ZFAND3: variants seen among roughly 807,000 people sequenced by gnomAD.
ZFAND3 encodes zinc finger AN1-type containing 3, also known as AN1-type zinc finger protein 3.
Under a neutral mutation model 29.6 loss-of-function variants are expected in ZFAND3, and 10 were observed. That is an observed-to-expected ratio of 0.34 (90% CI 0.21 to 0.57). ZFAND3 has a LOEUF of 0.57. Ranked by LOEUF, ZFAND3 falls within the 20% of genes least tolerant of loss-of-function variation. The pLI is 0.86. For synonymous variants in ZFAND3, 128 were observed against 112.6 expected, an observed-to-expected ratio of 1.14 and a Z score of -0.87; for missense variants, 230 against 304.5, an observed-to-expected ratio of 0.76 and a Z score of 1.82.
At chr6:38,055,635 A>G (rs2645131) in intron 2 of ZFAND3, among the ~76,000 whole-genome samples, 45,572 of 152,084 alleles carry the variant, frequency 0.3, 7,525 homozygotes, top group Non-Finnish European at 0.38. Flanking sequence ...TTTAGTGTCT[A>G]CAATAAAGAT....
At chr6:37,880,483 T>A (rs1314383157) in intron 1 of ZFAND3, among the ~76,000 whole-genome samples, 2 of 152,184 alleles carry the variant, frequency 1.3e-5, no homozygotes, top group Non-Finnish European at 2.9e-5. Flanking sequence ...TTGACTAGAA[T>A]GAGCCAGTTG....
intron 5 of ZFAND3, among the ~76,000 whole-genome samples, chr6:38,120,597 A>T (rs1285603978): frequency 6.6e-6 from 1 of 151,952 alleles, no homozygotes; most frequent in Non-Finnish European, 1.5e-5. Flanking sequence ...AAGTGTTAGG[A>T]TTACAGGCAT....
intron 1 of ZFAND3, among the ~76,000 whole-genome samples, chr6:37,885,308 C>CT (rs1305718976): frequency 6.6e-6 from 1 of 152,014 alleles, no homozygotes; most frequent in Non-Finnish European, 1.5e-5. Flanking sequence ...CTTGTGTGAC[C>CT]TTGGTTTCCT....
chr6:38,097,249 ATTT>A (rs1190146160), intron 4 of ZFAND3, among the ~76,000 whole-genome samples: 7 of 123,446 alleles, frequency 5.7e-5, no homozygotes, highest in Admixed American at 1.6e-4. Context: ...TTAATTTTTC[ATTT>A]TTTTTTTTTT....
intron 4 of ZFAND3, among the ~76,000 whole-genome samples, chr6:38,103,667 TTAACACTGTAC>T (rs747751036): frequency 9.9e-5 from 15 of 152,138 alleles, no homozygotes; most frequent in South Asian, 4.1e-4. Flanking sequence ...CTATCTAGTC[TTAACACTGTAC>T]GAACACTGTA....
At chr6:37,823,897 T>C (rs1162805977) in intron 1 of ZFAND3, among the ~76,000 whole-genome samples, 1 of 152,080 alleles carries the variant, frequency 6.6e-6, no homozygotes, top group Non-Finnish European at 1.5e-5. Flanking sequence ...GTTCAAGTGA[T>C]TCTCCTGCCC....
At chr6:37,943,058 A>G (rs1396993582) in intron 2 of ZFAND3, among the ~76,000 whole-genome samples, 1 of 152,162 alleles carries the variant, frequency 6.6e-6, no homozygotes, top group Non-Finnish European at 1.5e-5. Flanking sequence ...TCTGTAGAAC[A>G]GTTCAATTAA....
chr6:38,008,068 G>A (rs926004620), intron 2 of ZFAND3, among the ~76,000 whole-genome samples: 1 of 152,134 alleles, frequency 6.6e-6, no homozygotes, highest in Admixed American at 6.5e-5. Context: ...CACATGCATA[G>A]CAGGTTTAAG....
rs59036086 is a variant in ZFAND3 at position 37,904,276 on chromosome 6, A to G, written c.72-25683A>G. 0.016 allele frequency among the ~76,000 whole-genome samples: 2,421 copies of G among 152,306 alleles called. 253 individuals carry two copies. In the East Asian group the frequency reaches 0.28, roughly 18 times the overall value. On this transcript the variant is annotated intron_variant, in intron 1 of 5. Transcript: ENST00000287218. ...CATCATATCACCTTTGACATGCAGC[A>G]GAAGTACCGTTTTAGAAGGAAGGAG... is the stretch of plus-strand genomic sequence containing the variant.
At chr6:37,917,016 T>C (rs1364475394) in intron 1 of ZFAND3, among the ~76,000 whole-genome samples, 1 of 152,256 alleles carries the variant, frequency 6.6e-6, no homozygotes, top group Non-Finnish European at 1.5e-5. Context: ...TACTTAATAA[T>C]GGCCCCAAAG....
intron 5 of ZFAND3, 34 bp from the exon 6 acceptor site, chr6:38,152,199 AAC>A (rs746104807): frequency 1.3e-6 from 2 of 1,481,852 alleles, no homozygotes; most frequent in South Asian, 1.4e-5. Context: ...AGGCCACCCT[AAC>A]ACACTCTTTC....
intron 5 of ZFAND3, among the ~76,000 whole-genome samples, chr6:38,121,749 C>T (rs1373446852): frequency 6.6e-6 from 1 of 152,154 alleles, no homozygotes; most frequent in Non-Finnish European, 1.5e-5. Context: ...CACAGATGTC[C>T]ATCAGCCCTC....
intron 4 of ZFAND3, among the ~76,000 whole-genome samples, chr6:38,087,046 T>C (rs1359005927): frequency 6.6e-6 from 1 of 152,062 alleles, no homozygotes; most frequent in South Asian, 2.1e-4. Context: ...ACACCTACAG[T>C]GAACTCATTT....
chr6:38,132,426 G>A (rs892359054), intron 5 of ZFAND3, among the ~76,000 whole-genome samples: 1 of 152,228 alleles, frequency 6.6e-6, no homozygotes, highest in African/African-American at 2.4e-5. Context: ...GGAATTGCTT[G>A]AGCCTAGGAA....
chr6:37,988,082 TAAAA>T (rs949548109), intron 2 of ZFAND3, among the ~76,000 whole-genome samples: 1 of 152,206 alleles, frequency 6.6e-6, no homozygotes, highest in African/African-American at 2.4e-5. Flanking sequence ...TTAAATTTTT[TAAAA>T]AAAGTTTTTA....
intron 4 of ZFAND3, among the ~76,000 whole-genome samples, chr6:38,108,606 A>G (rs1036090668): frequency 1.3e-5 from 2 of 152,196 alleles, no homozygotes; most frequent in African/African-American, 4.8e-5. Flanking sequence ...AAGAAAGTGG[A>G]CCAGAAGACC....
At chr6:38,135,647 A>G (rs940034196) in intron 5 of ZFAND3, among the ~76,000 whole-genome samples, 9 of 152,178 alleles carry the variant, frequency 5.9e-5, no homozygotes, top group African/African-American at 2.2e-4. Flanking sequence ...CAGGAGGCTG[A>G]GGCAGGAGAA....
chr6:38,028,309 G>T (rs1687419110), intron 2 of ZFAND3, among the ~76,000 whole-genome samples: 1 of 152,092 alleles, frequency 6.6e-6, no homozygotes, highest in African/African-American at 2.4e-5. Context: ...TTTGAGTAGG[G>T]TTTATAGGAC....
At chr6:38,022,584 C>G (rs1763372219) in intron 2 of ZFAND3, among the ~76,000 whole-genome samples, 1 of 152,208 alleles carries the variant, frequency 6.6e-6, no homozygotes, top group African/African-American at 2.4e-5. Flanking sequence ...AAATACCGTC[C>G]TCTTCCCACT....
Sources: gnomAD v4.1 joint callset for allele counts (sites outside exome capture counted in the v4.1 genomes callset) on GRCh38, gnomAD v4.1.1 for gene constraint, MANE v1.5 for transcripts, NCBI Gene and HGNC (gene_info 2026-07-23, HGNC 2026-07-21) for gene names.